Variants in ARHGEF33 observed in about 807,000 individuals in gnomAD.
ARHGEF33 encodes the protein Rho guanine nucleotide exchange factor 33, also known as DH and coiled-coil domain-containing protein ENSP00000381780.
ARHGEF33 carries 72 observed loss-of-function variants against 101.9 expected under a neutral mutation model. That is an observed-to-expected ratio of 0.71 (90% confidence interval 0.58 to 0.86). The LOEUF (loss-of-function observed/expected upper bound fraction) is 0.86. Among genes scored for constraint, ARHGEF33 ranks in the 40% least tolerant of loss-of-function variants. ARHGEF33 has a pLI of 0.00. For missense variants in ARHGEF33, 1,169 were observed against 1,111.3 expected (o/e 1.05, Z -0.74); for synonymous variants, 499 against 442.5 (o/e 1.13, Z -1.60).
At chr2:38,896,106 T>A (rs1280323619) in intron 2 of ARHGEF33, among the ~76,000 whole-genome samples, 1 of 152,182 alleles carries the variant, frequency 6.6e-6, no homozygotes, top group Middle Eastern at 3.2e-3. Flanking sequence ...CTAACAGCAT[T>A]GAGACAAGAA....
chr2:38,960,745 G>A, intron 16 of ARHGEF33, 97 bp downstream of exon 16: 1 of 1,007,874 alleles, frequency 9.9e-7, no homozygotes, highest in Non-Finnish European at 1.2e-6. Context: ...GAGGAGCGGG[G>A]CCGGGCCAGG....
rs11373078 is a variant in ARHGEF33, at chr2:38,903,417, AT to A, written c.-86+7581del. On this transcript the variant is annotated intron_variant, in intron 2 of 17. Coordinates refer to ENST00000409978, the MANE Select transcript of ARHGEF33 (RefSeq NM_001145451.5). ...GGAAATACTATCTTCAAAGGGATGG[AT>A]TTTTTTTTTTTTAGATTTATTCTGC... 7.5e-3 allele frequency among the ~76,000 whole-genome samples: 1,110 copies of A among 148,444 alleles called. 14 individuals carry two copies. Among genetic ancestry groups the A allele is most frequent in the African/African-American group, 0.022 (902 of 40,508 alleles).
chr2:38,897,612 G>A (rs1666149371), intron 2 of ARHGEF33, among the ~76,000 whole-genome samples: 1 of 152,112 alleles, frequency 6.6e-6, no homozygotes, highest in Non-Finnish European at 1.5e-5. Flanking sequence ...ATAAAATTTT[G>A]CCTATAATTT....
At chr2:38,970,685 G>C (rs1481100679) in intron 17 of ARHGEF33, among the ~76,000 whole-genome samples, 4 of 152,210 alleles carry the variant, frequency 2.6e-5, no homozygotes, top group African/African-American at 9.6e-5. Context: ...GGAGCTTACA[G>C]ATCAATTTAA....
chr2:38,970,245 C>T (rs1668136303), intron 17 of ARHGEF33, among the ~76,000 whole-genome samples: 1 of 152,206 alleles, frequency 6.6e-6, no homozygotes. Context: ...TAATCACACA[C>T]AGAGAGAGTA....
chr2:38,951,160 C>A (rs992867793), intron 11 of ARHGEF33, 39 bp downstream of exon 11: 4 of 1,539,496 alleles, frequency 2.6e-6, no homozygotes, highest in African/African-American at 2.8e-5. Context: ...TTTACTTATA[C>A]GGATTTGTGT....
In ARHGEF33 at chr2:38,937,574, G is replaced by C; in HGVS notation, c.790+15G>C. On this transcript the variant is annotated intron_variant, in intron 9 of 17. Transcript: ENST00000409978. ...CTCCTTAGCTGGTAAGTTCCAAGGG[G>C]GAATGCAGGCTAATAGTTTAAAGAA... The C allele has an allele frequency of 1.5e-6, 2 of 1,373,456 alleles. No individual in the cohort carries two copies. Among genetic ancestry groups the C allele is most frequent in the Non-Finnish European group, 2.0e-6 (2 of 986,672 alleles). The allele number at this position is 1,373,456 out of a possible 1,614,324, so 85.1% of individuals were successfully genotyped here.
Position 38,975,124 on chromosome 2 carries a change from G to A in ARHGEF33, c.*1281G>A, listed in dbSNP as rs551525131. On this transcript the variant is annotated 3_prime_UTR_variant, in exon 18 of 18. Coordinates refer to ENST00000409978, the MANE Select transcript of ARHGEF33 (RefSeq NM_001145451.5). ...TCAGAAGCTGTTCCTCTATTGAAGC[G>A]TTTGTTGATAAAATAGGCAAAGGTT... The A allele has an allele frequency of 1.3e-5, 2 of 152,288 alleles. No homozygotes were observed. Among genetic ancestry groups the A allele is most frequent in the Admixed American group, 6.5e-5 (1 of 15,280 alleles). 9.4% of individuals were successfully genotyped at this position (152,288 alleles called of 1,614,324 possible). A position where few individuals can be genotyped will look rare whatever the true frequency, so the allele number is the denominator to read the frequency against.
intron 10 of ARHGEF33, among the ~76,000 whole-genome samples, chr2:38,946,877 C>T (rs1667465417): frequency 6.6e-6 from 1 of 152,202 alleles, no homozygotes; most frequent in South Asian, 2.1e-4. Context: ...CTATCCACCT[C>T]AGCCTCTCAA....
intron 2 of ARHGEF33, among the ~76,000 whole-genome samples, chr2:38,911,151 A>G (rs1427328443): frequency 6.6e-6 from 1 of 152,206 alleles, no homozygotes; most frequent in Non-Finnish European, 1.5e-5. Context: ...TCTATAGAAA[A>G]AAAAAGCAAA....
At chr2:38,893,297 G>A (rs1666047776) in intron 1 of ARHGEF33, among the ~76,000 whole-genome samples, 1 of 151,972 alleles carries the variant, frequency 6.6e-6, no homozygotes. Context: ...TGAGTAGCTG[G>A]GATTACAGGC....
intron 3 of ARHGEF33, 144 bp downstream of exon 3, chr2:38,919,616 G>C: frequency 1.1e-6 from 1 of 906,360 alleles, no homozygotes; most frequent in Non-Finnish European, 1.7e-6. Flanking sequence ...GAAGAATATA[G>C]ACTGGGTGCT....
chr2:38,890,736 A>G (rs893980673), intron 1 of ARHGEF33, among the ~76,000 whole-genome samples: 3 of 152,328 alleles, frequency 2.0e-5, no homozygotes, highest in Admixed American at 2.0e-4. Flanking sequence ...ATACAAAATC[A>G]TATTGCTGTA....
At position 38,906,880 on chromosome 2, in the gene ARHGEF33, C is replaced by A. The variant is rs139695743; in HGVS notation, c.-86+11031C>A. Among the ~76,000 whole-genome samples, 691 of 151,422 alleles carry A rather than the reference C, an allele frequency of 4.6e-3. 3 individuals are homozygous for A. The highest frequency in any genetic ancestry group is 6.0e-3 in the Non-Finnish European group (410 of 67,902). ...AGCTGAGGTGGGAAGATTGCTTGAG[C>A]CTGGGAGGTCAAGGCTGCAGTGAGC... On this transcript the variant is annotated intron_variant, in intron 2 of 17. Transcript: ENST00000409978.
Position 38,958,051 on chromosome 2 carries a change from T to G in ARHGEF33, c.1388T>G (p.Leu463Arg). The change falls in exon 15 of 18, where the codon CTG becomes CGG. Residue 463 changes from leucine to arginine, a missense_variant. Physicochemically the swap from Leu to Arg is moderately radical, Grantham distance 102 (BLOSUM62 -2). Transcript: ENST00000409978. Reference sequence around the variant, plus strand: ...TCTGTTAGGTCATCCATGGCGAAGCTGTACAAAGGGCTGGCTTCCCAGTGT... The same window carrying G: ...TCTGTTAGGTCATCCATGGCGAAGCGGTACAAAGGGCTGGCTTCCCAGTGT... ...KKLKKSSMAK[L>R]YKGLASQCAN... The G allele has an allele frequency of 6.4e-7, 1 of 1,552,340 alleles. No homozygotes were observed. Among genetic ancestry groups the G allele is most frequent in the Non-Finnish European group, 8.7e-7 (1 of 1,147,146 alleles).
intron 2 of ARHGEF33, among the ~76,000 whole-genome samples, chr2:38,918,208 C>G (rs529759763): frequency 6.6e-6 from 1 of 152,310 alleles, no homozygotes; most frequent in South Asian, 2.1e-4. Flanking sequence ...AAAGCAGAAC[C>G]TTGAATTTCC....
At chr2:38,969,726 T>TA (rs530283139) in intron 17 of ARHGEF33, 4 of 152,408 alleles carry the variant, frequency 2.6e-5, no homozygotes, top group South Asian at 4.1e-4. Flanking sequence ...CTACATATCT[T>TA]AAAGTTTGGA....
chr2:38,898,231 C>A (rs1465954605), intron 2 of ARHGEF33, among the ~76,000 whole-genome samples: 1 of 152,106 alleles, frequency 6.6e-6, no homozygotes. Flanking sequence ...TTGCTAAAAT[C>A]AAATGGAATT....
chr2:38,898,299 ATG>A (rs1666165208), intron 2 of ARHGEF33, among the ~76,000 whole-genome samples: 1 of 152,242 alleles, frequency 6.6e-6, no homozygotes, highest in East Asian at 1.9e-4. Context: ...CTGAAACTGT[ATG>A]AGAAAAAACG....
Sources: allele counts gnomAD v4.1 joint callset (sites outside exome capture counted in the v4.1 genomes callset), GRCh38; gene constraint gnomAD v4.1.1; transcripts MANE v1.5; gene names NCBI Gene and HGNC (gene_info 2026-07-23, HGNC 2026-07-21).